EPAS1: variants seen among roughly 807,000 people sequenced by gnomAD.
EPAS1 encodes the protein endothelial PAS domain protein 1, also known as endothelial PAS domain-containing protein 1.
EPAS1 carries 23 observed loss-of-function variants against 87.9 expected under a neutral mutation model. That is an observed-to-expected ratio of 0.26 (90% confidence interval 0.19 to 0.37). The LOEUF (loss-of-function observed/expected upper bound fraction) is 0.37, where lower values mean the gene tolerates loss of function less well. EPAS1 is among the 10% of genes least tolerant of loss of function. EPAS1 has a pLI of 1.00. For missense variants in EPAS1, 1,138 were observed against 1,120.7 expected (o/e 1.02, Z -0.22); for synonymous variants, 508 against 444.3 (o/e 1.14, Z -1.80).
rs758026354 is a variant in EPAS1, at chr2:46,380,461, A to C, written c.1789A>C (p.Thr597Pro). 11 of 1,614,080 alleles carry C rather than the reference A, an allele frequency of 6.8e-6. No individual in the cohort carries two copies. In the South Asian group the frequency reaches 1.2e-4, roughly 18 times the overall value. Residue 597 changes from threonine (T) to proline (P), a missense_variant, in exon 12 of 16, where the codon ACA (threonine) becomes CCA (proline). Physicochemically the swap from Thr to Pro is conservative, Grantham distance 38. This residue lies in a region of EPAS1 where 502 missense variants were observed against 427.1 expected (regional missense o/e 1.18). Coordinates refer to ENST00000263734, the MANE Select transcript of EPAS1 (RefSeq NM_001430.5). The surrounding 1 kb of genome is among the most constrained non-coding windows in gnomAD (Gnocchi z 4.4). ...TCAGCAGCAGCTGGAGAGCAAGAAG[A>C]CAGAGCCCGAGCACCGGCCCATGTC... ...KFQQQLESKK[T>P]EPEHRPMSSI...
chr2:46,382,992 G>A (rs1351477338), intron 15 of EPAS1, among the ~76,000 whole-genome samples: 1 of 152,196 alleles, frequency 6.6e-6, no homozygotes. Flanking sequence ...GTGAGGGCCT[G>A]TTGAAGAAGA....
Position 46,356,133 on chromosome 2 carries a change from A to ACCC in EPAS1, c.218-10_218-8dup. ...ACTCCACATTCATGCAAGCTGTCCC[A>ACCC]CCCCCCCCCCTTTCCAGTTTGCTCT... On this transcript the variant is annotated splice_polypyrimidine_tract_variant and intron_variant, in intron 2 of 15. Transcript: ENST00000263734. 3 of 1,218,714 alleles carry ACCC rather than the reference A, an allele frequency of 2.5e-6. No homozygotes were observed. The highest frequency in any genetic ancestry group is 1.3e-5 in the South Asian group (1 of 78,584). The allele number at this position is 1,218,714 out of a possible 1,614,324, so 75.5% of individuals were successfully genotyped here.
At chr2:46,340,396 C>T (rs560798225) in intron 1 of EPAS1, among the ~76,000 whole-genome samples, 216 of 152,248 alleles carry the variant, frequency 1.4e-3, no homozygotes, top group African/African-American at 4.9e-3. Context: ...CCCAGCGGAG[C>T]GGAGGTTGGG....
intron 2 of EPAS1, among the ~76,000 whole-genome samples, chr2:46,351,902 G>T (rs1361129369): frequency 6.6e-6 from 1 of 152,176 alleles, no homozygotes; most frequent in Non-Finnish European, 1.5e-5. Flanking sequence ...CTGCTGCCCA[G>T]GAAGTCCCAC....
At chr2:46,377,689 C>T (rs542316398) in intron 9 of EPAS1, among the ~76,000 whole-genome samples, 8 of 152,290 alleles carry the variant, frequency 5.3e-5, no homozygotes, top group African/African-American at 1.4e-4. Flanking sequence ...GAGACTGTTC[C>T]GTTTAAAGGG....
At chr2:46,311,654 C>T (rs1683213478) in intron 1 of EPAS1, among the ~76,000 whole-genome samples, 1 of 152,218 alleles carries the variant, frequency 6.6e-6, no homozygotes, top group Non-Finnish European at 1.5e-5. Context: ...AACATATCCA[C>T]GTCTTTTCCT....
chr2:46,384,515 C>G lies in EPAS1; in HGVS notation c.2468C>G (p.Ala823Gly), dbSNP rs765994211. Residue 823 changes from alanine to glycine, a missense_variant, in exon 16 of 16, where the codon GCA (alanine) becomes GGA (glycine). Ala to Gly is a moderately conservative substitution (Grantham distance 60). This residue lies in a region of EPAS1 where 502 missense variants were observed against 427.1 expected (regional missense o/e 1.18). Coordinates refer to ENST00000263734, the MANE Select transcript of EPAS1 (RefSeq NM_001430.5). ...LSSAHKVSGM[A>G]SRLLGPSFES... is the part of the protein sequence containing the mutation. Reference sequence around the variant, plus strand: ...GTACCAACCCTTCTTTCAGGCATGGCAAGCCGGCTGCTCGGGCCCTCATTT... The same window carrying G: ...GTACCAACCCTTCTTTCAGGCATGGGAAGCCGGCTGCTCGGGCCCTCATTT... 3 of 1,614,214 alleles carry G rather than the reference C, an allele frequency of 1.9e-6. No homozygotes were observed. The Admixed American group carries it at 5.0e-5, about 27-fold the overall frequency.
intron 2 of EPAS1, 48 bp from the exon 3 acceptor site, chr2:46,356,103 T>C (rs767447454): frequency 1.3e-6 from 2 of 1,530,230 alleles, no homozygotes; most frequent in Non-Finnish European, 1.8e-6. Flanking sequence ...GTCCCATCTG[T>C]TTTCACTCCA....
At chr2:46,315,384 G>T (rs914958357) in intron 1 of EPAS1, among the ~76,000 whole-genome samples, 5 of 152,186 alleles carry the variant, frequency 3.3e-5, no homozygotes, top group Non-Finnish European at 7.3e-5. Context: ...GTGCATAAGT[G>T]TTGGGGAGTC....
rs775781664 is a variant in EPAS1 at position 46,356,266 on chromosome 2, G to A, written c.333G>A (p.Leu111=). ...VVTQDGDMIF[L]SENISKFMGL... ...CCCAAGATGGCGACATGATCTTTCT[G>A]TCAGAAAACATCAGCAAGTTCATGG... The change falls in exon 3 of 16, where the codon CTG becomes CTA. Residue 111 remains leucine (L), a synonymous_variant. Transcript: ENST00000263734. 1.5e-5 allele frequency: 24 copies of A among 1,613,968 alleles called. No individual in the cohort carries two copies. The highest frequency in any genetic ancestry group is 2.0e-5 in the Non-Finnish European group (24 of 1,180,034).
rs866478982 is a variant in EPAS1 at position 46,361,016 on chromosome 2, G to A, written c.705G>A (p.Met235Ile). The part of the protein sequence containing the change: ...MCEPIQHPSH[M>I]DIPLDSKTFL... ...AACCAATCCAGCACCCATCCCACAT[G>A]GACATCCCCCTGGATAGCAAGACCT... is the stretch of plus-strand genomic sequence containing the variant. The change falls in exon 6 of 16, where the codon ATG becomes ATA. Residue 235 changes from methionine to isoleucine, a missense_variant. By Grantham distance (10) the Met-to-Ile change is conservative. Coordinates refer to ENST00000263734, the MANE Select transcript of EPAS1 (RefSeq NM_001430.5). The A allele has an allele frequency of 6.2e-6, 10 of 1,613,996 alleles. No homozygotes were observed. In the African/African-American group the frequency reaches 9.3e-5, roughly 15 times the overall value.
chr2:46,314,655 A>T (rs1469443390), intron 1 of EPAS1, among the ~76,000 whole-genome samples: 1 of 152,220 alleles, frequency 6.6e-6, no homozygotes, highest in Non-Finnish European at 1.5e-5. Flanking sequence ...ATAAATTTCA[A>T]GTGGAGCCTC....
At chr2:46,344,495 A>G (rs1488204158) in intron 1 of EPAS1, among the ~76,000 whole-genome samples, 2 of 152,228 alleles carry the variant, frequency 1.3e-5, no homozygotes, top group Non-Finnish European at 2.9e-5. Flanking sequence ...ATCCAAAGGC[A>G]TGATGTGTGC....
chr2:46,347,094 A>AG lies in EPAS1; in HGVS notation c.217+32dup, dbSNP rs747537115. The AG allele has an allele frequency of 9.9e-6, 16 of 1,612,392 alleles. No homozygotes were observed. The highest frequency in any genetic ancestry group is 1.4e-5 in the Non-Finnish European group (16 of 1,178,484). ...GCCAGCAGGCTCCCCTAGGCTGGGC[A>AG]GATGCCAGCCTTACCAGCATGTTCC... On this transcript the variant is annotated intron_variant, in intron 2 of 15. Transcript: ENST00000263734. The surrounding 1 kb of genome is among the most constrained non-coding windows in gnomAD (Gnocchi z 4.2).
At chr2:46,356,127 T>TTGGGGGGGGGG in intron 2 of EPAS1, 24 bp from the exon 3 acceptor site, 2 of 1,395,468 alleles carry the variant, frequency 1.4e-6, no homozygotes, top group Non-Finnish European at 2.0e-6. Flanking sequence ...TCATGCAAGC[T>TTGGGGGGGGGG]GTCCCACCCC....
intron 1 of EPAS1, among the ~76,000 whole-genome samples, chr2:46,314,583 T>G (rs1683275912): frequency 6.6e-6 from 1 of 152,082 alleles, no homozygotes; most frequent in Admixed American, 6.5e-5. Context: ...AATGGACTAG[T>G]AAGTGGGAAC....
At chr2:46,308,914 T>C (rs1683161566) in intron 1 of EPAS1, among the ~76,000 whole-genome samples, 1 of 152,256 alleles carries the variant, frequency 6.6e-6, no homozygotes, top group African/African-American at 2.4e-5. Context: ...GTCTTCAGTC[T>C]GTATTTTGTT....
Position 46,375,183 on chromosome 2 carries a change from A to AAT in EPAS1, c.887-506_887-505insTA. Among the ~76,000 whole-genome samples, 1 of 138,330 alleles carries AAT rather than the reference A, an allele frequency of 7.2e-6. No individual in the cohort carries two copies. Among genetic ancestry groups the AAT allele is most frequent in the South Asian group, 2.1e-4 (1 of 4,672 alleles). The allele number at this position is 138,330 out of a possible 152,430, so 90.7% of individuals were successfully genotyped here. ...GTATTGGTGGTGGGTCTGCTGAAAAAAAAAAACAAAAAAAAACAAAAAAAA... is the reference window on the plus strand; with the variant it reads ...GTATTGGTGGTGGGTCTGCTGAAAAAATAAAAAACAAAAAAAAACAAAAAAAA... On this transcript the variant is annotated intron_variant, in intron 7 of 15. Transcript: ENST00000263734. This position sits in a 1 kb window ranked among gnomAD's most constrained non-coding sequence, Gnocchi z 4.1.
At chr2:46,362,052 G>A (rs1684401875) in intron 6 of EPAS1, among the ~76,000 whole-genome samples, 1 of 152,292 alleles carries the variant, frequency 6.6e-6, no homozygotes, top group Non-Finnish European at 1.5e-5. Context: ...CGCCACTGGG[G>A]CTTGCTGAGC....
Sources: gnomAD v4.1 joint callset for allele counts (sites outside exome capture counted in the v4.1 genomes callset) on GRCh38, gnomAD v4.1.1 for gene constraint, gnomAD v4.1.1 regional missense constraint, Gnocchi (gnomAD v3.1) non-coding constraint, MANE v1.5 for transcripts, NCBI Gene and HGNC (gene_info 2026-07-23, HGNC 2026-07-21) for gene names.